Variants in C8orf34 observed in about 807,000 individuals in gnomAD.
C8orf34 encodes the protein uncharacterized protein C8orf34.
In C8orf34, 65 loss-of-function variants were observed where a neutral mutation model predicts 68.3. The ratio of observed to expected loss-of-function variants is 0.95; its 90% CI spans 0.78 to 1.17. C8orf34 has a LOEUF of 1.17. Ranked by LOEUF, C8orf34 falls within the 50% of genes most tolerant of loss-of-function variation. The probability of loss-of-function intolerance (pLI) is 0.00; values close to 1 mark genes in which losing one functional copy is unlikely to be tolerated. For synonymous variants in C8orf34, 244 were observed against 241.2 expected (o/e 1.01, Z -0.11); for missense variants, 664 against 655.4 (o/e 1.01, Z -0.14).
chr8:68,352,852 A>C (rs1214577410), intron 1 of C8orf34, among the ~76,000 whole-genome samples: 4 of 152,146 alleles, frequency 2.6e-5, no homozygotes, highest in Non-Finnish European at 5.9e-5. Context: ...AACAATAAGT[A>C]TGTACAGATA....
chr8:68,659,459 GT>G (rs765945215), intron 8 of C8orf34, among the ~76,000 whole-genome samples: 2 of 152,032 alleles, frequency 1.3e-5, no homozygotes, highest in Non-Finnish European at 2.9e-5. Flanking sequence ...TCATAAGACT[GT>G]TTTTTCTTGA....
rs565841490 is a variant in C8orf34, at chr8:68,390,859, G to A, written c.328-48640G>A. Among the ~76,000 whole-genome samples the A allele has an allele frequency of 3.3e-5, 5 of 152,266 alleles. No homozygotes were observed. In the East Asian group the frequency reaches 7.7e-4, roughly 24 times the overall value. On this transcript the variant is annotated intron_variant, in intron 1 of 13. Coordinates refer to ENST00000518698, the MANE Select transcript of C8orf34 (RefSeq NM_052958.4). ...AAGTCTGAAATCTGCAGGGCAGGTC[G>A]GCAACTGCTCAGGCAGGAGTTGGTG...
At chr8:68,689,404 T>A (rs560355947) in intron 8 of C8orf34, among the ~76,000 whole-genome samples, 1 of 152,062 alleles carries the variant, frequency 6.6e-6, no homozygotes, top group African/African-American at 2.4e-5. Flanking sequence ...CAAAAGCAAT[T>A]GAAATAAAAA....
In C8orf34 at chr8:68,640,623, C is replaced by T. The variant is rs187825955; in HGVS notation, c.1241+112C>T. ...TGTTAAGAACATCTTTTCCTTCCAG[C>T]GATCTTTTGTGCTAATATTGGCAAG... On this transcript the variant is annotated intron_variant, in intron 8 of 13. Transcript: ENST00000518698. 1.2e-4 allele frequency: 131 copies of T among 1,114,952 alleles called. 2 individuals are homozygous for T. In the Admixed American group the frequency reaches 2.1e-3, roughly 18 times the overall value. 69.1% of individuals were successfully genotyped at this position (1,114,952 alleles called of 1,614,324 possible).
Position 68,337,447 on chromosome 8 carries a change from G to T in C8orf34, c.327+6108G>T, listed in dbSNP as rs376908925. ...TTTCAAAAATGTTAAAGTCATGAGG[G>T]TCAAGAGAGGCCTCAGACTGAAGGG... is the stretch of plus-strand genomic sequence containing the variant. On this transcript the variant is annotated intron_variant, in intron 1 of 13. Transcript: ENST00000518698. Among the ~76,000 whole-genome samples, 58 of 152,212 alleles carry T rather than the reference G, an allele frequency of 3.8e-4. No individual in the cohort carries two copies. The South Asian group carries it at 4.6e-3, about 12-fold the overall frequency.
At chr8:68,693,886 G>A (rs1820753311) in intron 8 of C8orf34, among the ~76,000 whole-genome samples, 2 of 152,012 alleles carry the variant, frequency 1.3e-5, no homozygotes, top group South Asian at 4.1e-4. Flanking sequence ...GTTGTGGATG[G>A]CTTTTAATAA....
intron 7 of C8orf34, among the ~76,000 whole-genome samples, chr8:68,635,005 C>T (rs755625032): frequency 4.6e-5 from 7 of 152,076 alleles, no homozygotes; most frequent in Non-Finnish European, 1.0e-4. Context: ...CTCTGTTCTC[C>T]CACACTGTGA....
At position 68,633,756 on chromosome 8, in the gene C8orf34, G is replaced by A. The variant is rs1349415289; in HGVS notation, c.1106-6620G>A. ...ATCTTAGGAAAGAAGTCCCAAAATA[G>A]GAAGGAAGAAAGAAAGAGTAGAAAA... On this transcript the variant is annotated intron_variant, in intron 7 of 13. Transcript: ENST00000518698. Among the ~76,000 whole-genome samples, 3 of 151,722 alleles carry A rather than the reference G, an allele frequency of 2.0e-5. 1 individual carries two copies. Among genetic ancestry groups the A allele is most frequent in the Middle Eastern group, 6.8e-3 (2 of 294 alleles).
chr8:68,400,521 T>C (rs1226839577), intron 1 of C8orf34, among the ~76,000 whole-genome samples: 2 of 152,292 alleles, frequency 1.3e-5, no homozygotes, highest in East Asian at 3.9e-4. Context: ...ATTTCTGGAA[T>C]CCTCTTTTCA....
chr8:68,797,542 TAA>T (rs5892156), intron 12 of C8orf34, among the ~76,000 whole-genome samples: 18 of 148,002 alleles, frequency 1.2e-4, no homozygotes, highest in African/African-American at 3.4e-4. Flanking sequence ...TTTTCACCTT[TAA>T]AAAAAAAAAA....
intron 10 of C8orf34, among the ~76,000 whole-genome samples, chr8:68,755,416 TG>T (rs1418489948): frequency 3.3e-5 from 5 of 152,252 alleles, no homozygotes; most frequent in Admixed American, 3.3e-4. Context: ...CTTTTATATA[TG>T]GAAAATTTAT....
chr8:68,731,118 T>G (rs1186348329), intron 10 of C8orf34, among the ~76,000 whole-genome samples: 1 of 152,194 alleles, frequency 6.6e-6, no homozygotes, highest in African/African-American at 2.4e-5. Context: ...CAATCCCTTG[T>G]GGAAATGGAA....
chr8:68,673,458 G>A (rs747975265), intron 8 of C8orf34, among the ~76,000 whole-genome samples: 7 of 152,096 alleles, frequency 4.6e-5, no homozygotes, highest in Admixed American at 1.3e-4. Context: ...AGCTGATGGA[G>A]GAGACCTTGG....
At chr8:68,657,802 C>T (rs1166632678) in intron 8 of C8orf34, among the ~76,000 whole-genome samples, 1 of 152,120 alleles carries the variant, frequency 6.6e-6, no homozygotes, top group Non-Finnish European at 1.5e-5. Flanking sequence ...TGCCTCATTG[C>T]CTGCCTGGTT....
At chr8:68,683,120 C>T (rs981246584) in intron 8 of C8orf34, among the ~76,000 whole-genome samples, 1 of 151,930 alleles carries the variant, frequency 6.6e-6, no homozygotes, top group Non-Finnish European at 1.5e-5. Context: ...ATTTGAGAAT[C>T]ATGAGAACAG....
At chr8:68,621,138 T>A (rs530687237) in intron 7 of C8orf34, among the ~76,000 whole-genome samples, 1 of 152,320 alleles carries the variant, frequency 6.6e-6, no homozygotes, top group East Asian at 1.9e-4. Context: ...AGATGTGTAC[T>A]CCTCTGGCTG....
At chr8:68,482,499 T>C (rs1812903110) in intron 4 of C8orf34, among the ~76,000 whole-genome samples, 2 of 152,192 alleles carry the variant, frequency 1.3e-5, no homozygotes, top group Non-Finnish European at 2.9e-5. Context: ...GGTCTCGAAC[T>C]CCTGAGTTCA....
chr8:68,778,648 T>G (rs1823588331), intron 11 of C8orf34, among the ~76,000 whole-genome samples: 1 of 152,202 alleles, frequency 6.6e-6, no homozygotes, highest in Non-Finnish European at 1.5e-5. Context: ...TTGCCTACAT[T>G]TCTTTGTCCT....
intron 11 of C8orf34, among the ~76,000 whole-genome samples, chr8:68,786,759 GA>G (rs1823857488): frequency 6.6e-6 from 1 of 152,122 alleles, no homozygotes; most frequent in Non-Finnish European, 1.5e-5. Context: ...TAGAGCCACT[GA>G]AAAATTATAA....
Sources: gnomAD v4.1 joint callset for allele counts (sites outside exome capture counted in the v4.1 genomes callset) on GRCh38, gnomAD v4.1.1 for gene constraint, MANE v1.5 for transcripts, NCBI Gene and HGNC (gene_info 2026-07-23, HGNC 2026-07-21) for gene names.